RARG: variants seen among roughly 807,000 people sequenced by gnomAD.
RARG encodes RAR-gamma.
A neutral mutation model predicts 43.7 loss-of-function variants in RARG; 17 were observed. That is an observed-to-expected ratio of 0.39 (90% CI 0.27 to 0.58). The LOEUF is 0.58. Ranked by LOEUF, RARG falls within the 20% of genes least tolerant of loss-of-function variation. RARG has a pLI of 0.57. For synonymous variants in RARG, 238 were observed against 236.4 expected (o/e 1.01, Z -0.06); for missense variants, 346 against 598.7 (o/e 0.58, Z 4.40).
At chr12:53,231,717 T>C (rs1372064793) in intron 1 of RARG, among the ~76,000 whole-genome samples, 1 of 152,224 alleles carries the variant, frequency 6.6e-6, no homozygotes, top group East Asian at 1.9e-4. Context: ...CTTCCCCAAA[T>C]GCTGTCCTCT....
chr12:53,214,733 G>A (rs1270189616), intron 5 of RARG, 127 bp from the exon 6 acceptor site: 2 of 1,075,318 alleles, frequency 1.9e-6, no homozygotes, highest in Admixed American at 5.6e-5. Context: ...TGTAATTACT[G>A]CCTCAGTTTC....
chr12:53,227,621 C>G lies in RARG; in HGVS notation c.-76G>C. 7.2e-7 allele frequency: 1 copy of G among 1,382,444 alleles called. No individual in the cohort carries two copies. The highest frequency in any genetic ancestry group is 1.5e-5 in the African/African-American group (1 of 66,866). The allele number at this position is 1,382,444 out of a possible 1,614,324, so 85.6% of individuals were successfully genotyped here. ...CTTCAGCCACAGCCCCTGCCCATGC[C>G]CACTGCCCCAGCCTGGGAGGCTCCG... On this transcript the variant is annotated 5_prime_UTR_variant, in exon 3 of 10. Coordinates refer to ENST00000425354, the MANE Select transcript of RARG (RefSeq NM_000966.6). The surrounding 1 kb of genome is among the most constrained non-coding windows in gnomAD (Gnocchi z 4.3).
In RARG at chr12:53,213,197, C is replaced by T. The variant is rs1385250799; in HGVS notation, c.1065G>A (p.Glu355=). The change falls in exon 9 of 10, where the codon GAG becomes GAA. Residue 355 remains glutamate (E), a synonymous_variant. Transcript: ENST00000425354. This position sits in a 1 kb window ranked among gnomAD's most constrained non-coding sequence, Gnocchi z 4.7. ...ACAGCCTCAGGGCTTCCAGCAGTGG[C>T]TCCTGCAGCTTGTCCACTTTTTCGG... ...EEPEKVDKLQ[E]PLLEALRLYA... is the part of the protein sequence containing the mutation. 7.5e-6 allele frequency: 12 copies of T among 1,606,446 alleles called. No individual in the cohort carries two copies. The highest frequency in any genetic ancestry group is 1.0e-5 in the Non-Finnish European group (12 of 1,173,020).
intron 5 of RARG, 103 bp from the exon 6 acceptor site, chr12:53,214,709 C>G (rs1473866491): frequency 1.6e-6 from 2 of 1,212,370 alleles, no homozygotes; most frequent in African/African-American, 3.1e-5. Flanking sequence ...TCATGAATAT[C>G]TATTCTCTGG....
chr12:53,213,358 C>A lies in RARG; in HGVS notation c.1019-115G>T. The A allele has an allele frequency of 4.7e-6, 7 of 1,483,086 alleles. No homozygotes were observed. Among genetic ancestry groups the A allele is most frequent in the Non-Finnish European group, 6.5e-6 (7 of 1,075,936 alleles). The allele number at this position is 1,483,086 out of a possible 1,614,324, so 91.9% of individuals were successfully genotyped here. ...GAAGCCTGTACAGGGTTTCAGAACT[C>A]TCTGGATGGGGCCAGGTGCAAGAAT... On this transcript the variant is annotated intron_variant, in intron 8 of 9. Transcript: ENST00000425354. The surrounding 1 kb of genome is among the most constrained non-coding windows in gnomAD (Gnocchi z 4.7).
intron 3 of RARG, among the ~76,000 whole-genome samples, chr12:53,216,851 C>T (rs113890606): frequency 7.1e-4 from 83 of 116,864 alleles, no homozygotes; most frequent in Middle Eastern, 5.0e-3. Flanking sequence ...TGCGCGCGCG[C>T]GCGCGCGCGC....
Position 53,213,265 on chromosome 12 carries a change from A to G in RARG, c.1019-22T>C. On this transcript the variant is annotated intron_variant, in intron 8 of 9. Coordinates refer to ENST00000425354, the MANE Select transcript of RARG (RefSeq NM_000966.6). This position sits in a 1 kb window ranked among gnomAD's most constrained non-coding sequence, Gnocchi z 4.7. ...CGGTCTATGGGGACAAGTATACTGG[A>G]GTGAGAGGGGAAGGAAGAGATGGGG... The G allele has an allele frequency of 6.5e-7, 1 of 1,544,122 alleles. No individual in the cohort carries two copies.
rs1322959391 is a variant in RARG, at chr12:53,211,785, G to C, written c.1256C>G (p.Pro419Arg). Residue 419 changes from proline (P) to arginine (R), a missense_variant, in exon 10 of 10, where the codon CCT becomes CGT. Coordinates refer to ENST00000425354, the MANE Select transcript of RARG (RefSeq NM_000966.6). The surrounding 1 kb of genome is among the most constrained non-coding windows in gnomAD (Gnocchi z 4.6). ...CGAGGAGTCATCCTCAAACATTTCA[G>C]GGTTCTCCAGCATCTCTCGGATTAA... ...PPLIREMLEN[P>R]EMFEDDSSQP... 1.3e-6 allele frequency: 2 copies of C among 1,563,294 alleles called. No homozygotes were observed. The highest frequency in any genetic ancestry group is 8.7e-7 in the Non-Finnish European group (1 of 1,154,252).
intron 2 of RARG, among the ~76,000 whole-genome samples, chr12:53,230,480 G>A (rs1348581255): frequency 6.6e-6 from 1 of 152,098 alleles, no homozygotes. Flanking sequence ...AGCCTGGGCA[G>A]AGAACCCAGG....
chr12:53,225,231 A>G (rs376304904), intron 3 of RARG, among the ~76,000 whole-genome samples: 1 of 152,174 alleles, frequency 6.6e-6, no homozygotes, highest in Non-Finnish European at 1.5e-5. Flanking sequence ...GTTCACCTAC[A>G]TGCCACTCAA....
In RARG at chr12:53,214,689, T is replaced by C. The variant is rs1942708177; in HGVS notation, c.476-83A>G. 2.3e-6 allele frequency: 3 copies of C among 1,310,080 alleles called. No homozygotes were observed. In the East Asian group the frequency reaches 7.6e-5, roughly 33 times the overall value. 81.2% of individuals were successfully genotyped at this position (1,310,080 alleles called of 1,614,324 possible). On this transcript the variant is annotated intron_variant, in intron 5 of 9. Coordinates refer to ENST00000425354, the MANE Select transcript of RARG (RefSeq NM_000966.6). Reference sequence around the variant, plus strand: ...CCTCTCTCACCCTAATTTAATATGCTCAGTCCTTATCATGAATATCTATTC... The same window carrying C: ...CCTCTCTCACCCTAATTTAATATGCCCAGTCCTTATCATGAATATCTATTC...
chr12:53,219,956 G>T, intron 3 of RARG: 1 of 1,514,322 alleles, frequency 6.6e-7, no homozygotes, highest in Non-Finnish European at 8.9e-7. Context: ...CTACATTGCA[G>T]GCTGGCGGGT....
chr12:53,220,972 C>T (rs1942941246), intron 3 of RARG, among the ~76,000 whole-genome samples: 1 of 151,884 alleles, frequency 6.6e-6, no homozygotes, highest in Non-Finnish European at 1.5e-5. Context: ...AAGTGCATTC[C>T]TGCGGCTCGG....
Position 53,215,165 on chromosome 12 carries a change from G to A in RARG, c.475+128C>T, listed in dbSNP as rs1249758581. 26 of 1,187,612 alleles carry A rather than the reference G, an allele frequency of 2.2e-5. 1 individual carries two copies. The highest frequency in any genetic ancestry group is 2.7e-4 in the Middle Eastern group (1 of 3,668). The allele number at this position is 1,187,612 out of a possible 1,614,324, so 73.6% of individuals were successfully genotyped here. On this transcript the variant is annotated intron_variant, in intron 5 of 9. Coordinates refer to ENST00000425354, the MANE Select transcript of RARG (RefSeq NM_000966.6). This position sits in a 1 kb window ranked among gnomAD's most constrained non-coding sequence, Gnocchi z 6.4. ...AGCTAATCAAATAAGACTGGCCTGG[G>A]AGAAGGCAGCACCCCAGGGCAGGCC...
intron 5 of RARG, chr12:53,214,926 C>A: frequency 2.4e-6 from 1 of 414,494 alleles, no homozygotes; most frequent in South Asian, 3.9e-5. Flanking sequence ...GCCTTGGCAG[C>A]ACAATGGGGG....
intron 3 of RARG, among the ~76,000 whole-genome samples, chr12:53,226,102 C>A (rs1053526713): frequency 1.3e-5 from 2 of 152,206 alleles, no homozygotes; most frequent in East Asian, 1.9e-4. Flanking sequence ...CTTTTTGCAG[C>A]CTCCATGTAA....
intron 3 of RARG, among the ~76,000 whole-genome samples, chr12:53,218,459 A>G (rs1942839878): frequency 6.6e-6 from 1 of 152,066 alleles, no homozygotes; most frequent in East Asian, 1.9e-4. Context: ...CCCACAACAT[A>G]TAACATACCC....
Position 53,213,310 on chromosome 12 carries a change from C to A in RARG, c.1019-67G>T. 6.7e-7 allele frequency: 1 copy of A among 1,500,530 alleles called. No homozygotes were observed. Among genetic ancestry groups the A allele is most frequent in the Non-Finnish European group, 9.2e-7 (1 of 1,088,202 alleles). 93.0% of individuals were successfully genotyped at this position (1,500,530 alleles called of 1,614,324 possible). ...ATGGGGAAGACACAGTGACAGATGG[C>A]TGATCACCAACCGGCGTTTTGGGAA... On this transcript the variant is annotated intron_variant, in intron 8 of 9. Coordinates refer to ENST00000425354, the MANE Select transcript of RARG (RefSeq NM_000966.6). The surrounding 1 kb of genome is among the most constrained non-coding windows in gnomAD (Gnocchi z 4.7).
intron 9 of RARG, among the ~76,000 whole-genome samples, chr12:53,212,070 A>G (rs1047718864): frequency 1.3e-5 from 2 of 152,130 alleles, no homozygotes; most frequent in Admixed American, 1.3e-4. Flanking sequence ...GGCCTTCTCT[A>G]CCAGGCTTGC....
Sources: allele counts gnomAD v4.1 joint callset (sites outside exome capture counted in the v4.1 genomes callset), GRCh38; gene constraint gnomAD v4.1.1; non-coding constraint Gnocchi (gnomAD v3.1); transcripts MANE v1.5; gene names NCBI Gene and HGNC (gene_info 2026-07-23, HGNC 2026-07-21).